NFASC: variants seen among roughly 807,000 people sequenced by gnomAD.
The protein encoded by NFASC is neurofascin, also known as neurofascin homolog.
Under a neutral mutation model 147.5 loss-of-function variants are expected in NFASC, and 43 were observed. The ratio of observed to expected loss-of-function variants is 0.29; its 90% CI spans 0.23 to 0.38. The LOEUF is 0.38. Among genes scored for constraint, NFASC ranks in the 10% least tolerant of loss-of-function variants. The pLI, the probability that NFASC is intolerant of heterozygous loss-of-function variation, is 1.00. For missense variants in NFASC, 1,320 were observed against 1,689.0 expected, an observed-to-expected ratio of 0.78 and a Z score of 3.83; for synonymous variants, 622 against 665.5, an observed-to-expected ratio of 0.93 and a Z score of 1.01.
intron 1 of NFASC, among the ~76,000 whole-genome samples, chr1:204,874,743 A>G (rs1196131486): frequency 6.6e-6 from 1 of 152,214 alleles, no homozygotes; most frequent in Non-Finnish European, 1.5e-5. Flanking sequence ...GCCTAAAGCA[A>G]ACTTCTCTTG....
intron 21 of NFASC, among the ~76,000 whole-genome samples, chr1:204,982,974 T>A (rs1163503906): frequency 6.6e-6 from 1 of 152,180 alleles, no homozygotes; most frequent in Non-Finnish European, 1.5e-5. Context: ...TGGATTGGAC[T>A]CACAAGGGAG....
In NFASC at chr1:204,968,894, T is replaced by C. The variant is rs1408732058; in HGVS notation, c.915T>C (p.Asn305=). Residue 305 remains asparagine (N), a synonymous_variant, in exon 10 of 30, where the codon AAT becomes AAC. Transcript: ENST00000339876. The surrounding 1 kb of genome is among the most constrained non-coding windows in gnomAD (Gnocchi z 5.4). The stretch of plus-strand genomic sequence containing the variant: ...TTAATAAGGCCCTGCGTATCACAAA[T>C]GTCTCTGAGGAAGACTCCGGGGAGT... ...ENFNKALRIT[N]VSEEDSGEYF... 6.2e-7 allele frequency: 1 copy of C among 1,613,942 alleles called. No homozygotes were observed. Among genetic ancestry groups the C allele is most frequent in the Non-Finnish European group, 8.5e-7 (1 of 1,180,028 alleles).
chr1:204,838,108 T>C (rs990497353), intron 1 of NFASC, among the ~76,000 whole-genome samples: 1 of 152,204 alleles, frequency 6.6e-6, no homozygotes, highest in African/African-American at 2.4e-5. Flanking sequence ...TCTAAATGCT[T>C]TATATTAGTG....
At chr1:204,997,780 T>C (rs1195194954) in intron 25 of NFASC, 2 of 355,258 alleles carry the variant, frequency 5.6e-6, no homozygotes, top group Non-Finnish European at 1.1e-5. Flanking sequence ...AGCCGAGCAC[T>C]CCAGAAGGAA....
intron 1 of NFASC, among the ~76,000 whole-genome samples, chr1:204,860,163 G>A (rs138254222): frequency 9.6e-4 from 146 of 152,316 alleles, no homozygotes; most frequent in African/African-American, 3.3e-3. Flanking sequence ...AGATAGCAGT[G>A]ATGTTGTAAT....
chr1:204,833,563 A>G (rs1672857320), intron 1 of NFASC, among the ~76,000 whole-genome samples: 1 of 152,008 alleles, frequency 6.6e-6, no homozygotes, highest in Non-Finnish European at 1.5e-5. Context: ...GTTAGAAGGC[A>G]TTTTTGAATG....
intron 8 of NFASC, among the ~76,000 whole-genome samples, chr1:204,958,675 C>A (rs1237961172): frequency 6.6e-6 from 1 of 152,182 alleles, no homozygotes; most frequent in Non-Finnish European, 1.5e-5. Context: ...AAAAACAGAC[C>A]TTAGTCTGAC....
intron 11 of NFASC, among the ~76,000 whole-genome samples, chr1:204,972,444 T>G (rs1031038352): frequency 2.0e-5 from 3 of 152,172 alleles, no homozygotes; most frequent in African/African-American, 7.2e-5. Flanking sequence ...TTCCCCATCT[T>G]ACAGAAGAAG....
intron 1 of NFASC, among the ~76,000 whole-genome samples, chr1:204,881,250 C>T (rs138940230): frequency 6.6e-6 from 1 of 152,324 alleles, no homozygotes; most frequent in East Asian, 1.9e-4. Context: ...TGAGCCACCC[C>T]TGGGGGTGTG....
intron 8 of NFASC, among the ~76,000 whole-genome samples, chr1:204,966,909 A>G (rs1293597212): frequency 6.6e-6 from 1 of 152,140 alleles, no homozygotes; most frequent in Non-Finnish European, 1.5e-5. Context: ...GCCGAGGGAG[A>G]GAGTTGAGTG....
chr1:204,937,007 G>A (rs2092910800), intron 2 of NFASC, among the ~76,000 whole-genome samples: 1 of 152,010 alleles, frequency 6.6e-6, no homozygotes, highest in South Asian at 2.1e-4. Flanking sequence ...TCTTGCCTGG[G>A]ATGCTTTTCT....
intron 8 of NFASC, 89 bp downstream of exon 8, chr1:204,957,915 G>A (rs549428536): frequency 1.9e-4 from 233 of 1,246,102 alleles, no homozygotes; most frequent in Middle Eastern, 9.8e-4. Flanking sequence ...TCTATAGGGG[G>A]AGACTTGTCC....
intron 13 of NFASC, 87 bp downstream of exon 13, chr1:204,974,377 A>G (rs72751501): frequency 0.027 from 27,941 of 1,026,850 alleles, 545 homozygotes; most frequent in Middle Eastern, 0.072. Flanking sequence ...GGTGTTCAGC[A>G]AGACCTGGGA....
Position 205,009,545 on chromosome 1 carries a change from C to T in NFASC, c.3290-12C>T, listed in dbSNP as rs996717897. 2 of 1,613,684 alleles carry T rather than the reference C, an allele frequency of 1.2e-6. No homozygotes were observed. The highest frequency in any genetic ancestry group is 8.5e-7 in the Non-Finnish European group (1 of 1,179,770). On this transcript the variant is annotated splice_polypyrimidine_tract_variant and intron_variant, in intron 27 of 29. Coordinates refer to ENST00000339876, the MANE Select transcript of NFASC (RefSeq NM_001005388.3). The stretch of plus-strand genomic sequence containing the variant: ...AATCATTCACGGGTTTGCTTCCGGC[C>T]CTCCCCGCCAGCTTACACCAACAAC...
At chr1:204,998,128 G>A (rs2794859) in intron 25 of NFASC, 101,310 of 152,752 alleles carry the variant, frequency 0.66, 34,244 homozygotes, top group East Asian at 0.76. Flanking sequence ...GGGCTGGTAC[G>A]CTGAGCCACG....
intron 2 of NFASC, among the ~76,000 whole-genome samples, chr1:204,922,292 C>T (rs78381758): frequency 0.017 from 2,541 of 152,148 alleles, 24 homozygotes; most frequent in Admixed American, 0.025. Flanking sequence ...TAAGGAACCC[C>T]GGGGGCTGGC....
At chr1:204,870,804 A>G in intron 1 of NFASC, 1 of 1,174,276 alleles carries the variant, frequency 8.5e-7, no homozygotes, top group Non-Finnish European at 1.1e-6. Context: ...TATGCCACGG[A>G]GGGCTGGGGA....
At chr1:204,948,580 A>AAAAACAAAAC (rs147883938) in intron 3 of NFASC, 1 of 518,534 alleles carries the variant, frequency 1.9e-6, no homozygotes, top group African/African-American at 1.9e-5. Context: ...TGGATTTGTT[A>AAAAACAAAAC]AAAACAAAAC....
At chr1:205,006,037 G>A (rs954587488) in intron 27 of NFASC, among the ~76,000 whole-genome samples, 11 of 152,180 alleles carry the variant, frequency 7.2e-5, no homozygotes, top group Non-Finnish European at 1.3e-4. Context: ...TGACTAGGTC[G>A]TTGCAGACGC....
Sources: gnomAD v4.1 joint callset for allele counts (sites outside exome capture counted in the v4.1 genomes callset) on GRCh38, gnomAD v4.1.1 for gene constraint, Gnocchi (gnomAD v3.1) non-coding constraint, MANE v1.5 for transcripts, NCBI Gene and HGNC (gene_info 2026-07-23, HGNC 2026-07-21) for gene names.